The following AAMDC variants were observed in gnomAD, a reference collection of about 807,000 sequenced individuals.
The protein encoded by AAMDC is mth938 domain-containing protein.
Under a neutral mutation model 15.5 loss-of-function variants are expected in AAMDC, and 16 were observed. The ratio of observed to expected loss-of-function variants is 1.03; its 90% CI spans 0.70 to 1.57. AAMDC has a LOEUF of 1.57. Among genes scored for constraint, AAMDC ranks in the 40% most tolerant of loss-of-function variants. AAMDC has a pLI of 0.00. For synonymous variants in AAMDC, 51 were observed against 51.6 expected (o/e 0.99, Z 0.05); for missense variants, 141 against 144.9 (o/e 0.97, Z 0.14).
chr11:77,822,070 ATATT>A (rs909041219), intron 1 of AAMDC, among the ~76,000 whole-genome samples: 2 of 152,164 alleles, frequency 1.3e-5, no homozygotes, highest in African/African-American at 4.8e-5. Context: ...GAATTCCGCT[ATATT>A]TATTTAGTCT....
chr11:77,891,922 C>A (rs1952287415), intron 5 of AAMDC: 1 of 1,587,426 alleles, frequency 6.3e-7, no homozygotes, highest in African/African-American at 1.3e-5. Context: ...CCTATCAAAC[C>A]CTGAAGTAGG....
chr11:77,876,973 A>T (rs1004979364), downstream of AAMDC: 5 of 703,224 alleles, frequency 7.1e-6, no homozygotes, highest in Admixed American at 2.0e-5. Context: ...AGCTGCCATC[A>T]GGTGTTCATG....
At chr11:77,876,537 G>C (rs964978552), downstream of AAMDC, among the ~76,000 whole-genome samples, 1 of 151,884 alleles carries the variant, frequency 6.6e-6, no homozygotes, top group African/African-American at 2.4e-5. Context: ...TACGATACTT[G>C]AATTGCTTAG....
chr11:77,837,325 C>G lies in AAMDC; in HGVS notation c.-18-5154C>G, dbSNP rs970944469. On this transcript the variant is annotated intron_variant, in intron 1 of 3. Coordinates refer to ENST00000393427, the MANE Select transcript of AAMDC (RefSeq NM_024684.4). ...TAATTTTTGTTATTTTTAGTAGAGA[C>G]AGGGTTTCACCACGTTGGCCAGGCT... is the stretch of plus-strand genomic sequence containing the variant. Among the ~76,000 whole-genome samples the G allele has an allele frequency of 3.9e-5, 6 of 152,074 alleles. 1 individual carries two copies. Among genetic ancestry groups the G allele is most frequent in the African/African-American group, 1.4e-4 (6 of 41,430 alleles).
intron 2 of AAMDC, 175 bp from the exon 3 acceptor site, chr11:77,869,547 G>A (rs752140555): frequency 5.3e-4 from 288 of 544,596 alleles, no homozygotes; most frequent in Middle Eastern, 3.1e-3. Flanking sequence ...GAACTCCTAG[G>A]TTCAAGGGAT....
intron 1 of AAMDC, among the ~76,000 whole-genome samples, chr11:77,823,284 A>G (rs1949015072): frequency 6.6e-6 from 1 of 151,836 alleles, no homozygotes; most frequent in Admixed American, 6.6e-5. Flanking sequence ...ATGAATTATC[A>G]CTGCCAAAGA....
At chr11:77,833,944 T>A (rs1346008546) in intron 1 of AAMDC, among the ~76,000 whole-genome samples, 1 of 152,232 alleles carries the variant, frequency 6.6e-6, no homozygotes, top group Non-Finnish European at 1.5e-5. Flanking sequence ...CAAAAATGTT[T>A]CTTGAACAGA....
chr11:77,875,337 T>C (rs188341940), downstream of AAMDC, among the ~76,000 whole-genome samples: 23 of 152,324 alleles, frequency 1.5e-4, no homozygotes, highest in East Asian at 3.9e-3. Context: ...AGTGAGGATG[T>C]AGAAGTTGCA....
chr11:77,843,482 C>T (rs1049063327), intron 2 of AAMDC, among the ~76,000 whole-genome samples: 1 of 152,122 alleles, frequency 6.6e-6, no homozygotes, highest in African/African-American at 2.4e-5. Context: ...GAGAAAGAGT[C>T]TTGTGTTCTT....
chr11:77,878,808 G>T, intron 5 of AAMDC: 1 of 754,782 alleles, frequency 1.3e-6, no homozygotes, highest in Non-Finnish European at 2.4e-6. Context: ...AATTTATCCT[G>T]TGTTTGATAC....
intron 2 of AAMDC, among the ~76,000 whole-genome samples, chr11:77,843,842 GA>G (rs1950032168): frequency 1.3e-5 from 2 of 152,110 alleles, no homozygotes; most frequent in Admixed American, 1.3e-4. Flanking sequence ...CATGGCTGGG[GA>G]GGCCTCACAA....
At chr11:77,852,231 A>AAAAAAAG (rs1182776345) in intron 2 of AAMDC, among the ~76,000 whole-genome samples, 1 of 148,970 alleles carries the variant, frequency 6.7e-6, no homozygotes, top group Admixed American at 6.7e-5. Context: ...TCTCAAAAAA[A>AAAAAAAG]AAAAAAAAAA....
chr11:77,891,300 G>A (rs1270798309), intron 5 of AAMDC: 2 of 1,607,050 alleles, frequency 1.2e-6, no homozygotes, highest in African/African-American at 1.3e-5. Flanking sequence ...AGCTCCATGA[G>A]GACCCAAACC....
chr11:77,863,364 G>A (rs1950966514), intron 2 of AAMDC, among the ~76,000 whole-genome samples: 1 of 152,198 alleles, frequency 6.6e-6, no homozygotes, highest in African/African-American at 2.4e-5. Flanking sequence ...GTGGTGGACG[G>A]TGAGCGAAAA....
chr11:77,857,537 C>G (rs1950672838), intron 2 of AAMDC, among the ~76,000 whole-genome samples: 3 of 152,082 alleles, frequency 2.0e-5, no homozygotes, highest in South Asian at 2.1e-4. Flanking sequence ...TAAGATCCAT[C>G]CAAGCCTTGG....
At chr11:77,875,284 C>T (rs746108113), downstream of AAMDC, among the ~76,000 whole-genome samples, 1 of 152,150 alleles carries the variant, frequency 6.6e-6, no homozygotes, top group Non-Finnish European at 1.5e-5. Context: ...TCTTACAGTC[C>T]AGGTACAGAT....
intron 2 of AAMDC, among the ~76,000 whole-genome samples, chr11:77,860,560 A>G (rs1029994180): frequency 2.6e-5 from 4 of 152,240 alleles, no homozygotes; most frequent in African/African-American, 9.6e-5. Flanking sequence ...GGTTTCTGAA[A>G]GGGCAGCTAA....
downstream of AAMDC, chr11:77,872,454 A>T (rs1489422138): frequency 4.9e-6 from 5 of 1,022,294 alleles, no homozygotes; most frequent in Non-Finnish European, 6.8e-6. Context: ...GGATGCAGGG[A>T]TGACCAAGAC....
intron 2 of AAMDC, among the ~76,000 whole-genome samples, chr11:77,868,157 G>A (rs1317276663): frequency 1.3e-5 from 2 of 149,218 alleles, no homozygotes; most frequent in Admixed American, 6.8e-5. Context: ...CCAGGTTCAC[G>A]CCATTCTCCT....
Sources: allele counts gnomAD v4.1 joint callset (sites outside exome capture counted in the v4.1 genomes callset), GRCh38; gene constraint gnomAD v4.1.1; transcripts MANE v1.5; gene names NCBI Gene and HGNC (gene_info 2026-07-23, HGNC 2026-07-21).